ANKFN1: variants seen among roughly 807,000 people sequenced by gnomAD.
The protein encoded by ANKFN1 is ankyrin repeat and fibronectin type III domain containing 1.
ANKFN1 carries 74 observed loss-of-function variants against 108.7 expected under a neutral mutation model. That is an observed-to-expected ratio of 0.68 (90% CI 0.56 to 0.83). ANKFN1 has a LOEUF of 0.83. ANKFN1 is among the 40% of genes least tolerant of loss of function. The pLI is 0.00. For missense variants in ANKFN1, 1,505 were observed against 1,382.3 expected (o/e 1.09, Z -1.41); for synonymous variants, 547 against 516.2 (o/e 1.06, Z -0.81).
At chr17:56,226,888 C>A (rs1434566419) in intron 2 of ANKFN1, among the ~76,000 whole-genome samples, 2 of 152,188 alleles carry the variant, frequency 1.3e-5, no homozygotes, top group East Asian at 3.9e-4. Flanking sequence ...TATGGCAATT[C>A]TTTGAAATAG....
intron 4 of ANKFN1, among the ~76,000 whole-genome samples, chr17:56,344,543 C>T (rs1324211626): frequency 6.6e-6 from 1 of 151,916 alleles, no homozygotes; most frequent in East Asian, 1.9e-4. Flanking sequence ...TGCTCCCTGC[C>T]CTGTAGTCTG....
At chr17:56,451,510 G>T (rs1294239949) in intron 11 of ANKFN1, among the ~76,000 whole-genome samples, 1 of 151,928 alleles carries the variant, frequency 6.6e-6, no homozygotes, top group Non-Finnish European at 1.5e-5. Flanking sequence ...ATACTATGTG[G>T]TTTATTGGGG....
chr17:56,047,988 C>T (rs146638791), intron 4 of ANKFN1, among the ~76,000 whole-genome samples: 2 of 152,340 alleles, frequency 1.3e-5, no homozygotes, highest in African/African-American at 2.4e-5. Flanking sequence ...CCTAATCTCA[C>T]CCCTTTAGCA....
At chr17:56,096,041 G>A (rs1246050466) in intron 4 of ANKFN1, among the ~76,000 whole-genome samples, 1 of 152,270 alleles carries the variant, frequency 6.6e-6, no homozygotes, top group Middle Eastern at 3.4e-3. Flanking sequence ...TTTCTTGCCT[G>A]TAAAGTGGCC....
chr17:56,230,345 T>A (rs764008688), intron 3 of ANKFN1, among the ~76,000 whole-genome samples: 2 of 152,156 alleles, frequency 1.3e-5, no homozygotes, highest in Non-Finnish European at 2.9e-5. Context: ...AAGTATCTTT[T>A]TGGGGAAGGA....
chr17:56,348,575 C>T (rs184755446), intron 4 of ANKFN1, among the ~76,000 whole-genome samples: 2 of 152,128 alleles, frequency 1.3e-5, no homozygotes, highest in East Asian at 3.9e-4. Context: ...AACAACAACC[C>T]CATTAAAAAG....
intron 4 of ANKFN1, among the ~76,000 whole-genome samples, chr17:56,105,707 T>TTCTCTGTG (rs1325061144): frequency 1.3e-5 from 1 of 76,324 alleles, no homozygotes; most frequent in African/African-American, 7.7e-5. Flanking sequence ...GGGGGTTTTT[T>TTCTCTGTG]TGTCTGTGTG....
At chr17:56,203,969 C>T (rs1914283641) in intron 1 of ANKFN1, among the ~76,000 whole-genome samples, 1 of 152,084 alleles carries the variant, frequency 6.6e-6, no homozygotes, top group Non-Finnish European at 1.5e-5. Context: ...CCTGCTTTTT[C>T]CCTGAAATGA....
intron 4 of ANKFN1, among the ~76,000 whole-genome samples, chr17:56,062,414 C>T (rs771832299): frequency 6.6e-6 from 1 of 152,102 alleles, no homozygotes; most frequent in Non-Finnish European, 1.5e-5. Flanking sequence ...TCTGGGTGCT[C>T]CTGTATTAGG....
intron 4 of ANKFN1, among the ~76,000 whole-genome samples, chr17:56,058,438 A>G (rs1014041988): frequency 6.6e-6 from 1 of 152,212 alleles, no homozygotes; most frequent in African/African-American, 2.4e-5. Flanking sequence ...CTTAAACCTC[A>G]TGAACCAACC....
At chr17:56,435,592 G>A (rs2048904744) in intron 8 of ANKFN1, among the ~76,000 whole-genome samples, 1 of 152,142 alleles carries the variant, frequency 6.6e-6, no homozygotes, top group South Asian at 2.1e-4. Context: ...TGACTGATAA[G>A]GCTAAGTGGA....
intron 4 of ANKFN1, among the ~76,000 whole-genome samples, chr17:56,146,323 G>A (rs376699836): frequency 4.6e-5 from 7 of 152,258 alleles, no homozygotes; most frequent in Admixed American, 3.3e-4. Context: ...ACCATTCTGG[G>A]GTCTGGAGAA....
chr17:56,076,781 C>T (rs1339023196), intron 4 of ANKFN1, among the ~76,000 whole-genome samples: 1 of 151,972 alleles, frequency 6.6e-6, no homozygotes, highest in Non-Finnish European at 1.5e-5. Flanking sequence ...TTATCATATG[C>T]AGGTAATTTG....
At chr17:56,325,879 C>G (rs1322417966) in intron 3 of ANKFN1, among the ~76,000 whole-genome samples, 2 of 152,196 alleles carry the variant, frequency 1.3e-5, no homozygotes, top group African/African-American at 4.8e-5. Context: ...CCCACTGCCC[C>G]TCTGCTCACC....
chr17:56,272,016 C>G (rs1339969473), intron 3 of ANKFN1, among the ~76,000 whole-genome samples: 1 of 152,156 alleles, frequency 6.6e-6, no homozygotes, highest in African/African-American at 2.4e-5. Flanking sequence ...CGCAAACATT[C>G]TAATTATAAT....
intron 3 of ANKFN1, among the ~76,000 whole-genome samples, chr17:56,240,003 A>G (rs146348547): frequency 2.0e-5 from 3 of 152,320 alleles, no homozygotes; most frequent in African/African-American, 4.8e-5. Flanking sequence ...AAGAAGCATT[A>G]TGAAATATTT....
intron 2 of ANKFN1, among the ~76,000 whole-genome samples, chr17:56,224,391 G>A (rs776430628): frequency 6.6e-6 from 1 of 152,118 alleles, no homozygotes; most frequent in Admixed American, 6.5e-5. Context: ...GAGTACAGTA[G>A]CCACCTCATC....
intron 4 of ANKFN1, among the ~76,000 whole-genome samples, chr17:56,046,973 T>C (rs1904689301): frequency 6.6e-6 from 1 of 152,176 alleles, no homozygotes; most frequent in Non-Finnish European, 1.5e-5. Context: ...AAGTTTTTTC[T>C]TTTCCTTTCT....
chr17:56,463,738 G>T (rs533325291), intron 14 of ANKFN1: 4 of 152,308 alleles, frequency 2.6e-5, no homozygotes, highest in Admixed American at 2.6e-4. Flanking sequence ...GTGAGTAAGA[G>T]CTAAGTAACA....
Sources: allele counts gnomAD v4.1 joint callset (sites outside exome capture counted in the v4.1 genomes callset), GRCh38; gene constraint gnomAD v4.1.1; transcripts MANE v1.5; gene names NCBI Gene and HGNC (gene_info 2026-07-23, HGNC 2026-07-21).